STX11: variants seen among roughly 807,000 people sequenced by gnomAD.
The protein encoded by STX11 is syntaxin-11.
Under a neutral mutation model 19.9 loss-of-function variants are expected in STX11, and 21 were observed. The observed-to-expected ratio is 1.06, with a 90% CI of 0.75 to 1.52. The LOEUF (loss-of-function observed/expected upper bound fraction) is 1.52, where lower values mean the gene tolerates loss of function less well. STX11 is among the 40% of genes most tolerant of loss of function. The pLI is 0.00. For missense variants in STX11, 438 were observed against 405.9 expected (o/e 1.08, Z -0.68); for synonymous variants, 193 against 174.4 (o/e 1.11, Z -0.84).
intron 1 of STX11, among the ~76,000 whole-genome samples, chr6:144,185,198 G>C (rs1436076074): frequency 6.6e-6 from 1 of 152,202 alleles, no homozygotes; most frequent in Non-Finnish European, 1.5e-5. Context: ...CATGGTAGAT[G>C]AAAGGCCGTG....
rs953888755 is a variant in STX11, at chr6:144,189,745, A to G, written c.*2254A>G. On this transcript the variant is annotated 3_prime_UTR_variant, in exon 2 of 2. Coordinates refer to ENST00000367568, the MANE Select transcript of STX11 (RefSeq NM_003764.4). ...AATTTTAATTTCATGGTTAAATTTGAGAATTGTGGAAACCAAGTTCCACAA... is the reference window on the plus strand; with the variant it reads ...AATTTTAATTTCATGGTTAAATTTGGGAATTGTGGAAACCAAGTTCCACAA... 6.6e-6 allele frequency among the ~76,000 whole-genome samples: 1 copy of G among 152,232 alleles called. No individual in the cohort carries two copies.
rs775026131 is a variant in STX11 at position 144,186,695 on chromosome 6, A to T, written c.68A>T (p.Asp23Val). Residue 23 changes from aspartate to valine, a missense_variant, in exon 2 of 2, where the codon GAC (aspartate) becomes GTC (valine). By Grantham distance (152) the Asp-to-Val change is radical. Transcript: ENST00000367568. ...KQYDQQFPDGDDEFDSPHEDI... is the reference protein window; with the variant it reads ...KQYDQQFPDGVDEFDSPHEDI... Reference sequence around the variant, plus strand: ...TATGACCAGCAGTTCCCAGACGGGGACGATGAGTTTGACTCGCCCCACGAG... The same window carrying T: ...TATGACCAGCAGTTCCCAGACGGGGTCGATGAGTTTGACTCGCCCCACGAG... 10 of 1,614,036 alleles carry T rather than the reference A, an allele frequency of 6.2e-6. No homozygotes were observed. In the South Asian group the frequency reaches 9.9e-5, roughly 16 times the overall value.
chr6:144,169,663 C>CCCTTCCTTCCTT lies in STX11; in HGVS notation c.-5-16946_-5-16935dup, dbSNP rs144586806. ...CTCCTTTTCTTTTCCCTCCCTCCCT[C>CCCTTCCTTCCTT]CCTTCCTTCCTTCCTTCCTTCCTTC... is the stretch of plus-strand genomic sequence containing the variant. On this transcript the variant is annotated intron_variant, in intron 1 of 1. Transcript: ENST00000367568. The surrounding 1 kb of genome is among the most constrained non-coding windows in gnomAD (Gnocchi z 5.2). Among the ~76,000 whole-genome samples the CCCTTCCTTCCTT allele has an allele frequency of 0.036, 4,994 of 139,742 alleles. 115 individuals carry two copies. Among genetic ancestry groups the CCCTTCCTTCCTT allele is most frequent in the Middle Eastern group, 0.056 (16 of 286 alleles). The allele number at this position is 139,742 out of a possible 152,430, so 91.7% of individuals were successfully genotyped here.
the STX11 span, among the ~76,000 whole-genome samples, chr6:144,143,833 A>G: frequency 6.6e-6 from 1 of 152,248 alleles, no homozygotes; most frequent in Admixed American, 6.5e-5. Context: ...TTATGGTAAC[A>G]GGTGTTTACA....
chr6:144,159,644 A>G lies in STX11; in HGVS notation c.-6+8941A>G, dbSNP rs547904160. ...GGGAAGTTTCTGTGTGTCTCATTCAATGCACCATTACTAGAAGTTACTTTG... is the reference window on the plus strand; with the variant it reads ...GGGAAGTTTCTGTGTGTCTCATTCAGTGCACCATTACTAGAAGTTACTTTG... On this transcript the variant is annotated intron_variant, in intron 1 of 1. Coordinates refer to ENST00000367568, the MANE Select transcript of STX11 (RefSeq NM_003764.4). The surrounding 1 kb of genome is among the most constrained non-coding windows in gnomAD (Gnocchi z 4.3). Among the ~76,000 whole-genome samples, 8 of 152,344 alleles carry G rather than the reference A, an allele frequency of 5.3e-5. No individual in the cohort carries two copies. The highest frequency in any genetic ancestry group is 1.9e-4 in the East Asian group (1 of 5,190).
Position 144,183,939 on chromosome 6 carries a change from G to T in STX11, c.-5-2684G>T, listed in dbSNP as rs1299647765. Among the ~76,000 whole-genome samples, 2 of 152,172 alleles carry T rather than the reference G, an allele frequency of 1.3e-5. No individual in the cohort carries two copies. The highest frequency in any genetic ancestry group is 1.9e-4 in the East Asian group (1 of 5,180). ...ATTATTCCCCTCCCTGTGTCCAGGT[G>T]TTCTCATTGTTCACCTCCCACTTAT... On this transcript the variant is annotated intron_variant, in intron 1 of 1. Transcript: ENST00000367568. This position sits in a 1 kb window ranked among gnomAD's most constrained non-coding sequence, Gnocchi z 4.6.
At chr6:144,185,354 TAC>T (rs775185833) in intron 1 of STX11, among the ~76,000 whole-genome samples, 5 of 152,234 alleles carry the variant, frequency 3.3e-5, no homozygotes, top group African/African-American at 7.2e-5. Context: ...CATTAAGTGT[TAC>T]TACTTTTCCC....
Position 144,191,904 on chromosome 6 carries a change from CAT to C in STX11, c.*4414_*4415del, listed in dbSNP as rs1202634854. ...TATATACTAGAAGCTTTTGTAAAGTCATGTGTCTATTGATAATAAAGATTTTC... is the reference window on the plus strand; with the variant it reads ...TATATACTAGAAGCTTTTGTAAAGTCGTGTCTATTGATAATAAAGATTTTC... On this transcript the variant is annotated 3_prime_UTR_variant, in exon 2 of 2. Coordinates refer to ENST00000367568, the MANE Select transcript of STX11 (RefSeq NM_003764.4). Among the ~76,000 whole-genome samples, 2 of 152,178 alleles carry C rather than the reference CAT, an allele frequency of 1.3e-5. No homozygotes were observed. Among genetic ancestry groups the C allele is most frequent in the Admixed American group, 6.5e-5 (1 of 15,272 alleles).
intron 1 of STX11, among the ~76,000 whole-genome samples, chr6:144,156,526 G>T (rs1166099100): frequency 2.6e-5 from 4 of 152,144 alleles, no homozygotes; most frequent in East Asian, 1.9e-4. Flanking sequence ...GTGTAATAAG[G>T]TCAATTTCAG....
Position 144,159,540 on chromosome 6 carries a change from G to A in STX11, c.-6+8837G>A, listed in dbSNP as rs778727271. 7.9e-5 allele frequency among the ~76,000 whole-genome samples: 12 copies of A among 151,860 alleles called. No homozygotes were observed. The highest frequency in any genetic ancestry group is 2.1e-4 in the South Asian group (1 of 4,800). On this transcript the variant is annotated intron_variant, in intron 1 of 1. Coordinates refer to ENST00000367568, the MANE Select transcript of STX11 (RefSeq NM_003764.4). This position sits in a 1 kb window ranked among gnomAD's most constrained non-coding sequence, Gnocchi z 4.3. ...TCTGTGTGTGTGTGTGTGTGTGTCCGTCCAGTATGTGGAAAAAGACAGTAC... is the reference window on the plus strand; with the variant it reads ...TCTGTGTGTGTGTGTGTGTGTGTCCATCCAGTATGTGGAAAAAGACAGTAC...
Position 144,187,448 on chromosome 6 carries a change from C to A in STX11, c.821C>A (p.Pro274His). Residue 274 changes from proline to histidine, a missense_variant, in exon 2 of 2, where the codon CCC (proline) becomes CAC (histidine). Transcript: ENST00000367568. This position sits in a 1 kb window ranked among gnomAD's most constrained non-coding sequence, Gnocchi z 5.6. Reference sequence around the variant, plus strand: ...GCCGTGCAGTACGAGGAGAAGAACCCCTGCCGGACCCTCTGCTGCTTCTGC... The same window carrying A: ...GCCGTGCAGTACGAGGAGAAGAACCACTGCCGGACCCTCTGCTGCTTCTGC... The part of the protein sequence containing the change: ...RKAVQYEEKN[P>H]CRTLCCFCCP... 1 of 1,612,444 alleles carries A rather than the reference C, an allele frequency of 6.2e-7. No individual in the cohort carries two copies. Among genetic ancestry groups the A allele is most frequent in the Admixed American group, 1.7e-5 (1 of 60,034 alleles).
At position 144,160,578 on chromosome 6, in the gene STX11, A is replaced by C. The variant is rs1801309432; in HGVS notation, c.-6+9875A>C. On this transcript the variant is annotated intron_variant, in intron 1 of 1. Coordinates refer to ENST00000367568, the MANE Select transcript of STX11 (RefSeq NM_003764.4). This position sits in a 1 kb window ranked among gnomAD's most constrained non-coding sequence, Gnocchi z 4.3. ...CACAAAGCAAATAGGCCAAGTGCTAACATGTGCATATTTAACCTATGAACC... is the reference window on the plus strand; with the variant it reads ...CACAAAGCAAATAGGCCAAGTGCTACCATGTGCATATTTAACCTATGAACC... 6.6e-6 allele frequency among the ~76,000 whole-genome samples: 1 copy of C among 152,206 alleles called. No individual in the cohort carries two copies. Among genetic ancestry groups the C allele is most frequent in the South Asian group, 2.1e-4 (1 of 4,834 alleles).
At chr6:144,147,402 A>T (rs60762289), upstream of STX11, among the ~76,000 whole-genome samples, 939 of 152,236 alleles carry the variant, frequency 6.2e-3, 44 homozygotes, top group East Asian at 0.11. The surrounding 1 kb of genome is among the most constrained non-coding windows in gnomAD (Gnocchi z 4.2). Context: ...TTTTACAAAA[A>T]TTTTTTTAAT....
Position 144,160,429 on chromosome 6 carries a change from C to T in STX11, c.-6+9726C>T, listed in dbSNP as rs960874366. On this transcript the variant is annotated intron_variant, in intron 1 of 1. Coordinates refer to ENST00000367568, the MANE Select transcript of STX11 (RefSeq NM_003764.4). The surrounding 1 kb of genome is among the most constrained non-coding windows in gnomAD (Gnocchi z 4.3). ...CAGCTCTTCTGCTGCAATTTATTTA[C>T]ATTTATTATATTCAATAGATAAAGG... Among the ~76,000 whole-genome samples the T allele has an allele frequency of 6.6e-6, 1 of 152,144 alleles. No homozygotes were observed. The highest frequency in any genetic ancestry group is 1.5e-5 in the Non-Finnish European group (1 of 68,030).
At position 144,152,035 on chromosome 6, in the gene STX11, T is replaced by C. The variant is rs72992166; in HGVS notation, c.-6+1332T>C. Among the ~76,000 whole-genome samples the C allele has an allele frequency of 9.2e-3, 1,407 of 152,244 alleles. 9 individuals carry two copies. The highest frequency in any genetic ancestry group is 0.012 in the Non-Finnish European group (821 of 68,012). On this transcript the variant is annotated intron_variant, in intron 1 of 1. Coordinates refer to ENST00000367568, the MANE Select transcript of STX11 (RefSeq NM_003764.4). The surrounding 1 kb of genome is among the most constrained non-coding windows in gnomAD (Gnocchi z 4.9). ...CTGTGCCAGCCTCTTCCCTGAACCT[T>C]GCTTGTACAACCATGAATAATAGGA...
rs1447929810 is a variant in STX11 at position 144,160,912 on chromosome 6, C to A, written c.-6+10209C>A. On this transcript the variant is annotated intron_variant, in intron 1 of 1. Transcript: ENST00000367568. The surrounding 1 kb of genome is among the most constrained non-coding windows in gnomAD (Gnocchi z 4.3). ...TGTATTTTCATATCTTTCCTCACCC[C>A]CTTTGGCATATTCCTTGGTTTATCT... is the stretch of plus-strand genomic sequence containing the variant. Among the ~76,000 whole-genome samples the A allele has an allele frequency of 1.3e-5, 2 of 152,170 alleles. No homozygotes were observed. Among genetic ancestry groups the A allele is most frequent in the Non-Finnish European group, 2.9e-5 (2 of 68,028 alleles).
chr6:144,156,836 T>C (rs1173470981), intron 1 of STX11, among the ~76,000 whole-genome samples: 3 of 152,236 alleles, frequency 2.0e-5, no homozygotes, highest in African/African-American at 7.2e-5. Context: ...GATAATATTA[T>C]TTAGCTGTTT....
Position 144,152,368 on chromosome 6 carries a change from G to T in STX11, c.-6+1665G>T, listed in dbSNP as rs78756079. ...AAGATCTGGGATTTGGAATGGACTG[G>T]GTCATGGCTGGAAGAGCAAGGAAAC... On this transcript the variant is annotated intron_variant, in intron 1 of 1. Transcript: ENST00000367568. This position sits in a 1 kb window ranked among gnomAD's most constrained non-coding sequence, Gnocchi z 4.9. 0.016 allele frequency among the ~76,000 whole-genome samples: 2,368 copies of T among 152,270 alleles called. 67 individuals carry two copies. Among genetic ancestry groups the T allele is most frequent in the African/African-American group, 0.053 (2,197 of 41,534 alleles).
Position 144,165,446 on chromosome 6 carries a change from ACT to A in STX11, c.-6+14746_-6+14747del, listed in dbSNP as rs1436324976. ...CTCCAGCCTGGGCAACAAGAACGAA[ACT>A]CTGTCTCAAAAAAAAAAAGAAAAAC... On this transcript the variant is annotated intron_variant, in intron 1 of 1. Coordinates refer to ENST00000367568, the MANE Select transcript of STX11 (RefSeq NM_003764.4). The surrounding 1 kb of genome is among the most constrained non-coding windows in gnomAD (Gnocchi z 5.8). Among the ~76,000 whole-genome samples, 1 of 149,678 alleles carries A rather than the reference ACT, an allele frequency of 6.7e-6. No homozygotes were observed. Among genetic ancestry groups the A allele is most frequent in the East Asian group, 2.0e-4 (1 of 5,024 alleles).
Sources: gnomAD v4.1 joint callset for allele counts (sites outside exome capture counted in the v4.1 genomes callset) on GRCh38, gnomAD v4.1.1 for gene constraint, Gnocchi (gnomAD v3.1) non-coding constraint, MANE v1.5 for transcripts, NCBI Gene and HGNC (gene_info 2026-07-23, HGNC 2026-07-21) for gene names.